IGSF21: variants seen among roughly 807,000 people sequenced by gnomAD.
IGSF21 encodes the protein immunoglobin superfamily member 21.
In IGSF21, 28 loss-of-function variants were observed where a neutral mutation model predicts 46.8. The ratio of observed to expected loss-of-function variants is 0.60; its 90% CI spans 0.44 to 0.82. The LOEUF (loss-of-function observed/expected upper bound fraction) is 0.82. Among genes scored for constraint, IGSF21 ranks in the 40% least tolerant of loss-of-function variants. The pLI is 0.00. For synonymous variants in IGSF21, 284 were observed against 273.6 expected, an observed-to-expected ratio of 1.04 and a Z score of -0.38; for missense variants, 624 against 665.5, an observed-to-expected ratio of 0.94 and a Z score of 0.69.
At chr1:18,220,379 A>G (rs1477925267) in intron 1 of IGSF21, among the ~76,000 whole-genome samples, 3 of 152,130 alleles carry the variant, frequency 2.0e-5, no homozygotes, top group Non-Finnish European at 4.4e-5. Context: ...GCAGGTTCAG[A>G]ACACACCTGA....
chr1:18,326,160 G>C (rs112633299), intron 3 of IGSF21, among the ~76,000 whole-genome samples: 1 of 152,102 alleles, frequency 6.6e-6, no homozygotes, highest in African/African-American at 2.4e-5. Flanking sequence ...TCTGCCTCAC[G>C]GCTCTGTCCA....
chr1:18,178,420 C>T (rs1053319141), intron 1 of IGSF21, among the ~76,000 whole-genome samples: 1 of 152,064 alleles, frequency 6.6e-6, no homozygotes, highest in Admixed American at 6.5e-5. Context: ...CCATAATAAC[C>T]ATGTGATATT....
At chr1:18,177,963 G>T (rs549008150) in intron 1 of IGSF21, among the ~76,000 whole-genome samples, 3 of 152,082 alleles carry the variant, frequency 2.0e-5, no homozygotes, top group Non-Finnish European at 4.4e-5. Context: ...ACGATGGGGC[G>T]AGTTTCTTAC....
At chr1:18,318,233 G>C (rs11260982) in intron 3 of IGSF21, among the ~76,000 whole-genome samples, 133,508 of 152,204 alleles carry the variant, frequency 0.88, 58,606 homozygotes, top group East Asian at 0.99. Flanking sequence ...CTGGCCCCCC[G>C]TCCCAAATTT....
At chr1:18,116,944 C>T (rs546534030) in intron 1 of IGSF21, among the ~76,000 whole-genome samples, 4 of 152,170 alleles carry the variant, frequency 2.6e-5, no homozygotes, top group Non-Finnish European at 5.9e-5. Flanking sequence ...CCTGGCCTTG[C>T]TTAAGTGCAG....
At chr1:18,151,263 C>G (rs967024641) in intron 1 of IGSF21, among the ~76,000 whole-genome samples, 1 of 152,228 alleles carries the variant, frequency 6.6e-6, no homozygotes, top group Non-Finnish European at 1.5e-5. Context: ...CTTGACACAG[C>G]ACAGTAAAAG....
At chr1:18,324,148 A>C (rs2085633858) in intron 3 of IGSF21, among the ~76,000 whole-genome samples, 1 of 152,206 alleles carries the variant, frequency 6.6e-6, no homozygotes, top group Admixed American at 6.5e-5. Flanking sequence ...CCCCAGCCAG[A>C]GGAATGGCTG....
chr1:18,227,044 C>T lies in IGSF21; in HGVS notation c.71-854C>T, dbSNP rs148607502. On this transcript the variant is annotated intron_variant, in intron 1 of 9. Coordinates refer to ENST00000251296, the MANE Select transcript of IGSF21 (RefSeq NM_032880.5). ...CAGGGCAAGAGTCCCAGCGTCTGCT[C>T]CAGGCACTCCCAGGGGCAGCTGGTA... Among the ~76,000 whole-genome samples, 754 of 152,294 alleles carry T rather than the reference C, an allele frequency of 5.0e-3. 7 individuals are homozygous for T. The highest frequency in any genetic ancestry group is 0.016 in the African/African-American group (683 of 41,556).
At chr1:18,131,600 C>T (rs1261728750) in intron 1 of IGSF21, among the ~76,000 whole-genome samples, 1 of 152,180 alleles carries the variant, frequency 6.6e-6, no homozygotes. Context: ...AACAAACCCC[C>T]AAATTTCACT....
intron 2 of IGSF21, among the ~76,000 whole-genome samples, chr1:18,236,019 C>T (rs1283320192): frequency 2.0e-5 from 3 of 152,228 alleles, no homozygotes; most frequent in East Asian, 1.9e-4. Context: ...AGGATGACTC[C>T]CTGCTTTGGG....
At chr1:18,312,274 C>A (rs1170857612) in intron 3 of IGSF21, among the ~76,000 whole-genome samples, 1 of 152,212 alleles carries the variant, frequency 6.6e-6, no homozygotes, top group African/African-American at 2.4e-5. Flanking sequence ...AAAATAGCAT[C>A]TACTGGCAGG....
At chr1:18,229,723 C>T (rs964657182) in intron 2 of IGSF21, among the ~76,000 whole-genome samples, 1 of 152,192 alleles carries the variant, frequency 6.6e-6, no homozygotes, top group South Asian at 2.1e-4. Context: ...AAAGTCAAGG[C>T]ATATGTTAAA....
At chr1:18,235,034 C>A (rs1016128722) in intron 2 of IGSF21, among the ~76,000 whole-genome samples, 1 of 152,168 alleles carries the variant, frequency 6.6e-6, no homozygotes, top group Non-Finnish European at 1.5e-5. Context: ...TGGAAACCGG[C>A]AGGGGTACCT....
At chr1:18,278,451 G>A (rs2085125287) in intron 2 of IGSF21, among the ~76,000 whole-genome samples, 1 of 151,994 alleles carries the variant, frequency 6.6e-6, no homozygotes, top group Non-Finnish European at 1.5e-5. Context: ...ATGTTAACCA[G>A]GCTGGTCTCG....
intron 4 of IGSF21, among the ~76,000 whole-genome samples, chr1:18,347,757 T>C (rs2124617544): frequency 6.6e-6 from 1 of 152,276 alleles, no homozygotes; most frequent in Non-Finnish European, 1.5e-5. Context: ...ATCTTGTCCC[T>C]GGGGAATAGA....
At position 18,365,554 on chromosome 1, in the gene IGSF21, G is replaced by A. The variant is rs149943630; in HGVS notation, c.872G>A (p.Arg291His). The change falls in exon 6 of 10, where the codon CGC becomes CAC. Residue 291 changes from arginine (R) to histidine (H), a missense_variant. Transcript: ENST00000251296. This position sits in a 1 kb window ranked among gnomAD's most constrained non-coding sequence, Gnocchi z 4.8. ...AEPTYFLRHS[R>H]TPSSDGTVEV... ...CCCACCTACTTCCTGCGCCACAGCC[G>A]CACCCCGAGCAGTGACGGCACTGTG... The A allele has an allele frequency of 1.1e-4, 181 of 1,614,094 alleles. No individual in the cohort carries two copies. The highest frequency in any genetic ancestry group is 2.6e-4 in the South Asian group (24 of 91,086).
intron 3 of IGSF21, 90 bp downstream of exon 3, chr1:18,292,077 C>G: frequency 7.4e-7 from 1 of 1,357,864 alleles, no homozygotes; most frequent in Non-Finnish European, 1.0e-6. Context: ...CCTTTCACAT[C>G]AATCCCTCGG....
intron 4 of IGSF21, among the ~76,000 whole-genome samples, chr1:18,357,703 G>C (rs561440392): frequency 2.4e-4 from 36 of 152,072 alleles, no homozygotes; most frequent in African/African-American, 8.4e-4. Flanking sequence ...GAAGAGTGAA[G>C]CATCTGTCAG....
At chr1:18,211,170 C>A (rs191712201) in intron 1 of IGSF21, among the ~76,000 whole-genome samples, 2 of 152,204 alleles carry the variant, frequency 1.3e-5, no homozygotes, top group Non-Finnish European at 2.9e-5. Flanking sequence ...CTGTGCCTGG[C>A]CTTCCCTGGA....
Sources: allele counts gnomAD v4.1 joint callset (sites outside exome capture counted in the v4.1 genomes callset), GRCh38; gene constraint gnomAD v4.1.1; non-coding constraint Gnocchi (gnomAD v3.1); transcripts MANE v1.5; gene names NCBI Gene and HGNC (gene_info 2026-07-23, HGNC 2026-07-21).